MYO18B: variants seen among roughly 807,000 people sequenced by gnomAD.
MYO18B encodes unconventional myosin-XVIIIb.
In MYO18B, 204 loss-of-function variants were observed where a neutral mutation model predicts 273.0. That is an observed-to-expected ratio of 0.75 (90% confidence interval 0.67 to 0.84). The LOEUF (loss-of-function observed/expected upper bound fraction) is 0.84. Ranked by LOEUF, MYO18B falls within the 40% of genes least tolerant of loss-of-function variation. The pLI, the probability that MYO18B is intolerant of heterozygous loss-of-function variation, is 0.00. For missense variants in MYO18B, 3,212 were observed against 3,287.6 expected (o/e 0.98, Z 0.56); for synonymous variants, 1,330 against 1,305.7 (o/e 1.02, Z -0.40).
At chr22:25,996,244 T>C (rs5761346) in intron 40 of MYO18B, among the ~76,000 whole-genome samples, 68,781 of 151,872 alleles carry the variant, frequency 0.45, 16,598 homozygotes, top group African/African-American at 0.62. Context: ...CCTAGCACAT[T>C]ACCTTGCACA....
intron 34 of MYO18B, among the ~76,000 whole-genome samples, chr22:25,941,587 T>C (rs757193485): frequency 2.6e-5 from 4 of 152,242 alleles, no homozygotes; most frequent in Non-Finnish European, 5.9e-5. Flanking sequence ...ATGGAAATAA[T>C]GTGCAGTGAA....
chr22:25,833,094 C>T (rs548664635), intron 16 of MYO18B, 97 bp downstream of exon 16: 34 of 1,149,630 alleles, frequency 3.0e-5, no homozygotes, highest in African/African-American at 1.4e-4. Context: ...TTGTCAATGC[C>T]GTGTGCACCT....
chr22:25,823,670 C>A lies in MYO18B; in HGVS notation c.2687C>A (p.Thr896Asn). 6.2e-7 allele frequency: 1 copy of A among 1,613,956 alleles called. No individual in the cohort carries two copies. The highest frequency in any genetic ancestry group is 8.5e-7 in the Non-Finnish European group (1 of 1,179,860). ...PSRWGLEDEE[T>N]SSGLKMTGVD... The stretch of plus-strand genomic sequence containing the variant: ...CGATGGGGCCTCGAGGATGAGGAAA[C>A]CAGCTCAGGTACATGGCTGCTGCCT... Residue 896 changes from threonine to asparagine, a missense_variant, in exon 13 of 44, where the codon ACC becomes AAC. By Grantham distance (65) the Thr-to-Asn change is moderately conservative. Transcript: ENST00000335473.
chr22:25,780,590 C>CAAAAAAAAAAAAAAAAAAAAAAAAAAAA, intron 9 of MYO18B, among the ~76,000 whole-genome samples: 1 of 65,206 alleles, frequency 1.5e-5, no homozygotes, highest in East Asian at 4.7e-4. Context: ...AACTCCATCT[C>CAAAAAAAAAAAAAAAAAAAAAAAAAAAA]AAAAAAAAAA....
chr22:25,816,801 A>G (rs750244022), intron 12 of MYO18B, among the ~76,000 whole-genome samples: 11 of 152,190 alleles, frequency 7.2e-5, no homozygotes, highest in Non-Finnish European at 1.5e-4. Context: ...TCTCCAGAAC[A>G]TTGCCTTTTC....
chr22:25,792,811 A>C (rs966716851), intron 11 of MYO18B, among the ~76,000 whole-genome samples: 2 of 151,942 alleles, frequency 1.3e-5, no homozygotes, highest in South Asian at 2.1e-4. Flanking sequence ...TTCCTCCCCA[A>C]GTTAGCTCCC....
At chr22:25,787,622 C>T (rs1019082689) in intron 11 of MYO18B, among the ~76,000 whole-genome samples, 1 of 151,938 alleles carries the variant, frequency 6.6e-6, no homozygotes, top group African/African-American at 2.4e-5. Flanking sequence ...CAAGAGCTGG[C>T]CATGAGAATG....
intron 34 of MYO18B, among the ~76,000 whole-genome samples, chr22:25,934,033 C>T (rs1394172192): frequency 6.6e-6 from 1 of 152,120 alleles, no homozygotes; most frequent in East Asian, 1.9e-4. Flanking sequence ...TTAGCCATTC[C>T]GAGGGAAGGA....
chr22:25,987,153 G>C (rs936212372), intron 39 of MYO18B, among the ~76,000 whole-genome samples: 2 of 152,232 alleles, frequency 1.3e-5, no homozygotes, highest in Non-Finnish European at 2.9e-5. Flanking sequence ...ATTAACAAAT[G>C]AGAGTCTTGT....
At chr22:26,012,760 C>G (rs1294464987) in intron 42 of MYO18B, among the ~76,000 whole-genome samples, 1 of 152,118 alleles carries the variant, frequency 6.6e-6, no homozygotes, top group Non-Finnish European at 1.5e-5. Context: ...TTGGATACAT[C>G]GTTGATGGTT....
intron 34 of MYO18B, among the ~76,000 whole-genome samples, chr22:25,945,231 C>T (rs926344126): frequency 2.0e-5 from 3 of 152,114 alleles, no homozygotes; most frequent in Non-Finnish European, 2.9e-5. Context: ...AAGAAACTTC[C>T]ACTTGGCTGG....
Position 25,851,380 on chromosome 22 carries a change from C to G in MYO18B, c.3776-90C>G, listed in dbSNP as rs188702556. 264 of 829,998 alleles carry G rather than the reference C, an allele frequency of 3.2e-4. 2 individuals carry two copies. In the East Asian group the frequency reaches 6.5e-3, roughly 20 times the overall value. The allele number at this position is 829,998 out of a possible 1,614,324, so 51.4% of individuals were successfully genotyped here. On this transcript the variant is annotated intron_variant, in intron 20 of 43. Transcript: ENST00000335473. The stretch of plus-strand genomic sequence containing the variant: ...TAGTAGCCAGGCTAGGAAGCAGGAC[C>G]CTGCACTCCTGTCTAGGGGTTTAGG...
rs1448681603 is a variant in MYO18B at position 25,829,362 on chromosome 22, T to C, written c.2979+394T>C. On this transcript the variant is annotated intron_variant, in intron 15 of 43. Transcript: ENST00000335473. ...CTGTGGGTGGGTGGCAGCAGTGGGC[T>C]CCACACCCCTCTGCAGCACAGCACG... 2.6e-5 allele frequency among the ~76,000 whole-genome samples: 4 copies of C among 152,034 alleles called. No individual in the cohort carries two copies. In the South Asian group the frequency reaches 6.2e-4, roughly 24 times the overall value.
At position 25,919,040 on chromosome 22, in the gene MYO18B, C is replaced by T. The variant is rs545578461; in HGVS notation, c.5365-2217C>T. 5.9e-5 allele frequency among the ~76,000 whole-genome samples: 9 copies of T among 152,300 alleles called. No individual in the cohort carries two copies. The South Asian group carries it at 1.9e-3, about 32-fold the overall frequency. The stretch of plus-strand genomic sequence containing the variant: ...CTGGATAACCTCTTTCACTTTGTAA[C>T]CTGCCCCTCAACTCGGGGTTTTATA... On this transcript the variant is annotated intron_variant, in intron 33 of 43. Coordinates refer to ENST00000335473, the MANE Select transcript of MYO18B (RefSeq NM_032608.7).
chr22:25,911,033 G>A lies in MYO18B; in HGVS notation c.5347G>A (p.Gly1783Arg), dbSNP rs763419722. 43 of 1,603,788 alleles carry A rather than the reference G, an allele frequency of 2.7e-5. No individual in the cohort carries two copies. Among genetic ancestry groups the A allele is most frequent in the Middle Eastern group, 1.6e-4 (1 of 6,078 alleles). Residue 1783 changes from glycine (G) to arginine (R), a missense_variant, in exon 33 of 44, where the codon GGA becomes AGA. Transcript: ENST00000335473. The part of the protein sequence containing the change: ...HEKQDLEGLI[G>R]TLCDQIGHRD... Reference sequence around the variant, plus strand: ...GAAGCAAGATTTGGAAGGCTTGATCGGAACCCTCTGTGACCAGGTAAGGGG... The same window carrying A: ...GAAGCAAGATTTGGAAGGCTTGATCAGAACCCTCTGTGACCAGGTAAGGGG...
chr22:25,761,253 G>A, intron 2 of MYO18B, 122 bp downstream of exon 2: 1 of 1,110,762 alleles, frequency 9.0e-7, no homozygotes, highest in African/African-American at 1.5e-5. Context: ...CTAGTAGCAT[G>A]TGCAATCCCA....
chr22:25,941,657 T>C (rs966036159), intron 34 of MYO18B, among the ~76,000 whole-genome samples: 3 of 152,248 alleles, frequency 2.0e-5, no homozygotes, highest in African/African-American at 7.2e-5. Context: ...CCATATTTCT[T>C]TCTGCTCCCT....
chr22:25,809,168 C>G (rs954853619), intron 12 of MYO18B, among the ~76,000 whole-genome samples: 1 of 152,126 alleles, frequency 6.6e-6, no homozygotes, highest in Non-Finnish European at 1.5e-5. Flanking sequence ...TGGTCTTGAA[C>G]TCCTGACCTC....
chr22:25,809,471 T>C (rs2088635451), intron 12 of MYO18B, among the ~76,000 whole-genome samples: 1 of 152,206 alleles, frequency 6.6e-6, no homozygotes, highest in South Asian at 2.1e-4. Context: ...TTTAGTTTAT[T>C]TGTCTCTCAC....
Sources: allele counts gnomAD v4.1 joint callset (sites outside exome capture counted in the v4.1 genomes callset), GRCh38; gene constraint gnomAD v4.1.1; transcripts MANE v1.5; gene names NCBI Gene and HGNC (gene_info 2026-07-23, HGNC 2026-07-21).